Variants in CDHR3 observed in about 807,000 individuals in gnomAD.
CDHR3 encodes cadherin-related family member 3.
A neutral mutation model predicts 86.6 loss-of-function variants in CDHR3; 79 were observed. That is an observed-to-expected ratio of 0.91 (90% CI 0.76 to 1.10). The LOEUF is 1.10. CDHR3 is among the 50% of genes least tolerant of loss of function. The pLI, the probability that CDHR3 is intolerant of heterozygous loss-of-function variation, is 0.00. For missense variants in CDHR3, 1,081 were observed against 1,077.6 expected, an observed-to-expected ratio of 1.00 and a Z score of -0.04; for synonymous variants, 421 against 402.4, an observed-to-expected ratio of 1.05 and a Z score of -0.55.
At chr7:105,998,370 T>G (rs1273177781) in intron 6 of CDHR3, among the ~76,000 whole-genome samples, 1 of 152,214 alleles carries the variant, frequency 6.6e-6, no homozygotes, top group Non-Finnish European at 1.5e-5. Context: ...CCAAAGCAAG[T>G]CCTATGTCTG....
At chr7:105,994,957 G>A in intron 5 of CDHR3, 112 bp downstream of exon 5, 1 of 775,812 alleles carries the variant, frequency 1.3e-6, no homozygotes, top group Non-Finnish European at 2.2e-6. Flanking sequence ...CCCTTGAGCA[G>A]TCTACAGCGT....
rs895994986 is a variant in CDHR3, at chr7:106,001,492, A to G, written c.744A>G (p.Glu248=). 6.2e-7 allele frequency: 1 copy of G among 1,613,914 alleles called. No homozygotes were observed. The highest frequency in any genetic ancestry group is 1.3e-5 in the African/African-American group (1 of 74,936). The change falls in exon 7 of 19, where the codon GAA becomes GAG. Residue 248 remains glutamate (E), a synonymous_variant. Transcript: ENST00000317716. ...CACGAGTGTACACAGTCCTGGAGGA[A>G]CTGAGTCCAGGAACCATCGTGGCCA... The part of the protein sequence containing the change: ...SPTRVYTVLE[E]LSPGTIVANI...
intron 1 of CDHR3, among the ~76,000 whole-genome samples, chr7:105,964,489 A>T (rs1826557405): frequency 6.6e-6 from 1 of 151,958 alleles, no homozygotes; most frequent in Non-Finnish European, 1.5e-5. Context: ...GGACATTCTG[A>T]CCATTATTAA....
intron 12 of CDHR3, among the ~76,000 whole-genome samples, chr7:106,018,581 C>T (rs796454552): frequency 6.6e-6 from 1 of 152,110 alleles, no homozygotes; most frequent in African/African-American, 2.4e-5. Flanking sequence ...GACAAAAGCA[C>T]TAAAGTTGTT....
At chr7:106,003,427 T>C (rs1400673426) in intron 7 of CDHR3, among the ~76,000 whole-genome samples, 5 of 152,210 alleles carry the variant, frequency 3.3e-5, no homozygotes, top group Non-Finnish European at 7.3e-5. Flanking sequence ...CCAGGCATTA[T>C]GCTGAGTGAT....
rs766161847 is a variant in CDHR3, at chr7:106,020,409, C to A, written c.1690C>A (p.Pro564Thr). Residue 564 changes from proline (P) to threonine (T), a missense_variant, in exon 13 of 19, where the codon CCA (proline) becomes ACA (threonine). Pro to Thr is a conservative substitution (Grantham distance 38). Transcript: ENST00000317716. ...CATCCTTGAAGAAAATGATGAAAAG[C>A]CAATTTGTACTCCAAACTCTTATTT... ...VNILEENDEK[P>T]ICTPNSYFLA... 8.7e-6 allele frequency: 14 copies of A among 1,613,658 alleles called. No homozygotes were observed. In the East Asian group the frequency reaches 3.1e-4, roughly 36 times the overall value.
chr7:106,030,706 A>G lies in CDHR3; in HGVS notation c.2305-86A>G, dbSNP rs925769471. On this transcript the variant is annotated intron_variant, in intron 17 of 18. Transcript: ENST00000317716. The surrounding 1 kb of genome is among the most constrained non-coding windows in gnomAD (Gnocchi z 4.8). ...TTAGAAGTCAAGAAGGCTTTGGTTAAGGAACTTGGGTTGTGAGGATGTGTA... is the reference window on the plus strand; with the variant it reads ...TTAGAAGTCAAGAAGGCTTTGGTTAGGGAACTTGGGTTGTGAGGATGTGTA... 81 of 1,312,976 alleles carry G rather than the reference A, an allele frequency of 6.2e-5. 1 individual carries two copies. The Admixed American group carries it at 1.3e-3, about 21-fold the overall frequency. The allele number at this position is 1,312,976 out of a possible 1,614,324, so 81.3% of individuals were successfully genotyped here.
intron 2 of CDHR3, among the ~76,000 whole-genome samples, chr7:105,978,172 G>A (rs187505607): frequency 3.4e-4 from 52 of 152,296 alleles, no homozygotes; most frequent in Non-Finnish European, 6.6e-4. Context: ...CTCATGCTGC[G>A]CTGGTTTGCT....
chr7:105,982,481 G>A (rs113811398), intron 3 of CDHR3, among the ~76,000 whole-genome samples: 18,553 of 107,178 alleles, frequency 0.17, 1,295 homozygotes, highest in African/African-American at 0.25. Context: ...AAAAAAAAAA[G>A]AAAAAAAAAA....
chr7:106,019,386 CTGT>C (rs1836185853), intron 12 of CDHR3, among the ~76,000 whole-genome samples: 1 of 141,186 alleles, frequency 7.1e-6, no homozygotes, highest in Non-Finnish European at 1.5e-5. Context: ...GTTTGTTAGG[CTGT>C]TTTTTTTTTT....
intron 2 of CDHR3, among the ~76,000 whole-genome samples, chr7:105,976,062 A>T (rs981465449): frequency 2.0e-5 from 3 of 152,162 alleles, no homozygotes; most frequent in Non-Finnish European, 2.9e-5. Context: ...ACATTCAGTC[A>T]GTCTACATTG....
chr7:106,019,826 C>T (rs964868723), intron 12 of CDHR3, among the ~76,000 whole-genome samples: 1 of 152,204 alleles, frequency 6.6e-6, no homozygotes, highest in Admixed American at 6.5e-5. Context: ...CAATGAGGGC[C>T]CTGACCCCCA....
intron 6 of CDHR3, among the ~76,000 whole-genome samples, chr7:105,997,316 C>T (rs989658459): frequency 1.3e-5 from 2 of 152,234 alleles, no homozygotes; most frequent in South Asian, 2.1e-4. Context: ...ACATAGTCTA[C>T]AGTCCAGTTG....
chr7:106,026,839 C>T lies in CDHR3; in HGVS notation c.2272+144C>T, dbSNP rs542090960. 6.3e-4 allele frequency: 551 copies of T among 877,866 alleles called. 2 individuals are homozygous for T. The highest frequency in any genetic ancestry group is 8.6e-4 in the Middle Eastern group (4 of 4,632). The allele number at this position is 877,866 out of a possible 1,614,324, so 54.4% of individuals were successfully genotyped here. A position where few individuals can be genotyped will look rare whatever the true frequency, so the allele number is the denominator to read the frequency against. On this transcript the variant is annotated intron_variant, in intron 16 of 18. Transcript: ENST00000317716. ...TGCATCTTCTGTGGCTGGAAGGAAG[C>T]GGAGGTCGGTTGCAGCTGGAGAATG...
chr7:106,021,549 G>A (rs1836573888), intron 13 of CDHR3, among the ~76,000 whole-genome samples: 1 of 152,252 alleles, frequency 6.6e-6, no homozygotes, highest in African/African-American at 2.4e-5. Flanking sequence ...GCGGGCATGT[G>A]CTTGGGCTGG....
At chr7:106,015,052 G>A (rs540516477) in intron 9 of CDHR3, 59 bp from the exon 10 acceptor site, 309 of 1,365,770 alleles carry the variant, frequency 2.3e-4, no homozygotes, top group Middle Eastern at 1.8e-3. Flanking sequence ...AATGTCTCTC[G>A]CAGCCCAATA....
At chr7:106,011,404 T>C (rs368030754) in intron 8 of CDHR3, among the ~76,000 whole-genome samples, 1 of 151,932 alleles carries the variant, frequency 6.6e-6, no homozygotes, top group Non-Finnish European at 1.5e-5. Flanking sequence ...GAGACCTCCA[T>C]GCAATGAGCC....
chr7:106,000,899 C>CAAAA (rs35254288), intron 6 of CDHR3, among the ~76,000 whole-genome samples: 37 of 90,714 alleles, frequency 4.1e-4, no homozygotes, highest in African/African-American at 1.5e-3. Context: ...TATCCTCAGG[C>CAAAA]AAAAAAAAAA....
intron 5 of CDHR3, among the ~76,000 whole-genome samples, chr7:105,995,374 T>G (rs1175947049): frequency 6.7e-6 from 1 of 149,996 alleles, no homozygotes; most frequent in Non-Finnish European, 1.5e-5. Context: ...AAGTAACATT[T>G]AACATCATGA....
Sources: allele counts gnomAD v4.1 joint callset (sites outside exome capture counted in the v4.1 genomes callset), GRCh38; gene constraint gnomAD v4.1.1; non-coding constraint Gnocchi (gnomAD v3.1); transcripts MANE v1.5; gene names NCBI Gene and HGNC (gene_info 2026-07-23, HGNC 2026-07-21).